The following AGMO variants were observed in gnomAD, a reference collection of about 807,000 sequenced individuals.
The protein encoded by AGMO is alkylglycerol monooxygenase.
AGMO carries 75 observed loss-of-function variants against 60.2 expected under a neutral mutation model. The ratio of observed to expected loss-of-function variants is 1.25; its 90% CI spans 1.03 to 1.51. The LOEUF (loss-of-function observed/expected upper bound fraction) is 1.51, where lower values mean the gene tolerates loss of function less well. AGMO is among the 40% of genes most tolerant of loss of function. The pLI is 0.00. For synonymous variants in AGMO, 261 were observed against 177.1 expected (o/e 1.47, Z -3.76); for missense variants, 763 against 525.5 (o/e 1.45, Z -4.42).
the AGMO span, among the ~76,000 whole-genome samples, chr7:15,172,889 A>G: frequency 6.6e-6 from 1 of 152,180 alleles, no homozygotes; most frequent in Non-Finnish European, 1.5e-5. Context: ...CTACCCAGCA[A>G]ATATTTTATA....
At chr7:15,360,227 T>A (rs1782695330) in intron 12 of AGMO, among the ~76,000 whole-genome samples, 1 of 152,232 alleles carries the variant, frequency 6.6e-6, no homozygotes, top group African/African-American at 2.4e-5. Flanking sequence ...TTGGAATGAC[T>A]GATAACAAAA....
At chr7:15,365,395 AG>A (rs1244111351) in intron 12 of AGMO, 118 bp downstream of exon 12, 23 of 477,572 alleles carry the variant, frequency 4.8e-5, no homozygotes, top group Non-Finnish European at 5.5e-5. Context: ...AAAAAAAAAA[AG>A]ATCAAGATTT....
chr7:15,511,300 G>T (rs952960058), intron 3 of AGMO, among the ~76,000 whole-genome samples: 2 of 152,064 alleles, frequency 1.3e-5, no homozygotes, highest in African/African-American at 4.8e-5. Flanking sequence ...TGAAAGCAAA[G>T]TACCTGTAAA....
chr7:15,453,589 C>T (rs1781912861), intron 3 of AGMO, among the ~76,000 whole-genome samples: 1 of 152,152 alleles, frequency 6.6e-6, no homozygotes, highest in Non-Finnish European at 1.5e-5. Flanking sequence ...CAAACCAGGT[C>T]TTGAAGCATT....
chr7:15,199,583 T>C (rs1781220316), downstream of AGMO, among the ~76,000 whole-genome samples: 1 of 152,152 alleles, frequency 6.6e-6, no homozygotes, highest in Non-Finnish European at 1.5e-5. Context: ...AAGAATGTGT[T>C]TTACCCACTG....
chr7:15,468,584 TA>T (rs1782355789), intron 3 of AGMO, among the ~76,000 whole-genome samples: 1 of 152,134 alleles, frequency 6.6e-6, no homozygotes, highest in Non-Finnish European at 1.5e-5. Context: ...GATTTTGTTG[TA>T]AATTTGATAA....
chr7:15,465,010 C>T (rs1489844383), intron 3 of AGMO, among the ~76,000 whole-genome samples: 2 of 152,122 alleles, frequency 1.3e-5, no homozygotes, highest in African/African-American at 2.4e-5. Context: ...CATGTTCCCA[C>T]GTGTCATTTT....
At chr7:15,258,333 C>T (rs938168549) in intron 12 of AGMO, among the ~76,000 whole-genome samples, 1 of 151,580 alleles carries the variant, frequency 6.6e-6, no homozygotes, top group Non-Finnish European at 1.5e-5. Flanking sequence ...ATGTTCTTTC[C>T]TTCTTTTTCC....
At chr7:15,430,799 C>T (rs951721874) in intron 4 of AGMO, among the ~76,000 whole-genome samples, 2 of 151,444 alleles carry the variant, frequency 1.3e-5, no homozygotes, top group African/African-American at 4.8e-5. Context: ...AAATAAAATG[C>T]TTCTATTGAA....
At chr7:15,531,131 T>C (rs1784322003) in intron 3 of AGMO, among the ~76,000 whole-genome samples, 1 of 79,480 alleles carries the variant, frequency 1.3e-5, no homozygotes, top group African/African-American at 5.2e-5. Flanking sequence ...ATATATTCTG[T>C]ATATATTCTA....
chr7:15,206,997 T>A (rs2115471800), intron 12 of AGMO, among the ~76,000 whole-genome samples: 1 of 152,318 alleles, frequency 6.6e-6, no homozygotes, highest in East Asian at 1.9e-4. Flanking sequence ...CCTAATTTTA[T>A]ACAATTATTT....
At chr7:15,341,467 T>C (rs1781844219) in intron 12 of AGMO, among the ~76,000 whole-genome samples, 1 of 152,164 alleles carries the variant, frequency 6.6e-6, no homozygotes, top group South Asian at 2.1e-4. Flanking sequence ...GCCTAGACTT[T>C]ATTGTCCATA....
chr7:15,292,983 G>A (rs894774246), intron 12 of AGMO, among the ~76,000 whole-genome samples: 7 of 151,580 alleles, frequency 4.6e-5, no homozygotes, highest in Non-Finnish European at 7.4e-5. Context: ...AGCTGGTCTC[G>A]AACTCCTGAC....
chr7:15,209,142 A>AT (rs1286935685), intron 12 of AGMO, among the ~76,000 whole-genome samples: 3 of 152,116 alleles, frequency 2.0e-5, no homozygotes, highest in African/African-American at 7.2e-5. Context: ...CAGCCCACCG[A>AT]TTTTCAGTGT....
At chr7:15,463,738 A>T (rs1393236773) in intron 3 of AGMO, among the ~76,000 whole-genome samples, 1 of 152,166 alleles carries the variant, frequency 6.6e-6, no homozygotes, top group Non-Finnish European at 1.5e-5. Context: ...AACAGTAGCA[A>T]AATTTGAGTT....
intron 12 of AGMO, among the ~76,000 whole-genome samples, chr7:15,288,866 T>A (rs1457799895): frequency 6.8e-6 from 1 of 148,088 alleles, no homozygotes; most frequent in African/African-American, 2.5e-5. Context: ...AAAAAAAAAA[T>A]ATATATACAC....
intron 12 of AGMO, among the ~76,000 whole-genome samples, chr7:15,202,489 A>AAAAC (rs1277846759): frequency 3.0e-5 from 4 of 132,054 alleles, no homozygotes; most frequent in African/African-American, 1.2e-4. Context: ...AAAAAAAAAA[A>AAAAC]CCCTCCCAAA....
intron 5 of AGMO, among the ~76,000 whole-genome samples, chr7:15,396,880 T>C (rs115170567): frequency 0.019 from 2,882 of 152,220 alleles, 87 homozygotes; most frequent in African/African-American, 0.067. Context: ...AGAGTGCTGA[T>C]TAGTGCGTTT....
chr7:15,263,156 G>T (rs966815921), intron 12 of AGMO, among the ~76,000 whole-genome samples: 1 of 151,800 alleles, frequency 6.6e-6, no homozygotes, highest in African/African-American at 2.4e-5. Flanking sequence ...CAAAGTTTGG[G>T]AGAAAATCTT....
Sources: gnomAD v4.1 joint callset for allele counts (sites outside exome capture counted in the v4.1 genomes callset) on GRCh38, gnomAD v4.1.1 for gene constraint, MANE v1.5 for transcripts, NCBI Gene and HGNC (gene_info 2026-07-23, HGNC 2026-07-21) for gene names.